Variants in SCHIP1 observed in about 807,000 individuals in gnomAD.
The protein encoded by SCHIP1 is schwannomin-interacting protein 1.
In SCHIP1, 8 loss-of-function variants were observed where a neutral mutation model predicts 29.7. The observed-to-expected ratio is 0.27, with a 90% CI of 0.16 to 0.49. The LOEUF (loss-of-function observed/expected upper bound fraction) is 0.49, where lower values mean the gene tolerates loss of function less well. Among genes scored for constraint, SCHIP1 ranks in the 20% least tolerant of loss-of-function variants. The pLI is 0.99. For synonymous variants in SCHIP1, 76 were observed against 94.9 expected, an observed-to-expected ratio of 0.80 and a Z score of 1.16; for missense variants, 193 against 294.6, an observed-to-expected ratio of 0.66 and a Z score of 2.52.
chr3:159,606,457 T>C, the SCHIP1 span, among the ~76,000 whole-genome samples: 1 of 152,214 alleles, frequency 6.6e-6, no homozygotes, highest in Non-Finnish European at 1.5e-5. Context: ...TTGGAAATCA[T>C]GATCTTACTG....
chr3:159,414,026 T>C, the SCHIP1 span, among the ~76,000 whole-genome samples: 1 of 152,224 alleles, frequency 6.6e-6, no homozygotes, highest in African/African-American at 2.4e-5. Flanking sequence ...AAGAGCAATC[T>C]TGGTCAGATA....
At chr3:159,390,561 T>TA in the SCHIP1 span, among the ~76,000 whole-genome samples, 1 of 152,068 alleles carries the variant, frequency 6.6e-6, no homozygotes, top group African/African-American at 2.4e-5. Context: ...TGAACTTATT[T>TA]AAAAAAACAA....
the SCHIP1 span, among the ~76,000 whole-genome samples, chr3:159,693,387 T>A: frequency 3.3e-5 from 5 of 152,106 alleles, no homozygotes; most frequent in South Asian, 2.1e-4. Flanking sequence ...ATCTGCCAAC[T>A]TTATATTTGG....
the SCHIP1 span, among the ~76,000 whole-genome samples, chr3:159,525,699 T>C: frequency 6.6e-6 from 1 of 152,188 alleles, no homozygotes; most frequent in South Asian, 2.1e-4. Context: ...TTCCTTTGAT[T>C]TAAAATATTC....
At chr3:159,799,570 A>G in the SCHIP1 span, among the ~76,000 whole-genome samples, 2 of 152,264 alleles carry the variant, frequency 1.3e-5, no homozygotes, top group Admixed American at 6.5e-5. Context: ...AGACAATCCA[A>G]CAGGTTTAAG....
chr3:159,370,301 C>CT, the SCHIP1 span, among the ~76,000 whole-genome samples: 2 of 152,194 alleles, frequency 1.3e-5, no homozygotes, highest in South Asian at 4.1e-4. Context: ...ACACTCCCTC[C>CT]TTTTCTCCCC....
the SCHIP1 span, among the ~76,000 whole-genome samples, chr3:159,421,164 T>G: frequency 1.3e-5 from 2 of 152,250 alleles, no homozygotes; most frequent in African/African-American, 4.8e-5. Flanking sequence ...TTGTTGGTTT[T>G]GTTACACAGA....
chr3:159,620,625 C>T, the SCHIP1 span, among the ~76,000 whole-genome samples: 10 of 152,212 alleles, frequency 6.6e-5, no homozygotes, highest in Admixed American at 6.5e-4. Context: ...CTTTGCAGAA[C>T]ATTGTAAGAA....
the SCHIP1 span, among the ~76,000 whole-genome samples, chr3:159,714,530 C>A: frequency 6.6e-6 from 1 of 152,260 alleles, no homozygotes; most frequent in Non-Finnish European, 1.5e-5. Context: ...CCTGGAAAAT[C>A]AGGTCACTCC....
At chr3:159,379,539 T>G in the SCHIP1 span, among the ~76,000 whole-genome samples, 2 of 152,112 alleles carry the variant, frequency 1.3e-5, no homozygotes, top group African/African-American at 4.8e-5. Context: ...TAGTTTTAAT[T>G]CCCCCAACAG....
chr3:159,462,387 G>A, the SCHIP1 span, among the ~76,000 whole-genome samples: 1 of 152,034 alleles, frequency 6.6e-6, no homozygotes, highest in Admixed American at 6.6e-5. Flanking sequence ...CCTCCTCACT[G>A]ACTGTGACCC....
At chr3:159,620,665 G>A in the SCHIP1 span, among the ~76,000 whole-genome samples, 4 of 152,192 alleles carry the variant, frequency 2.6e-5, no homozygotes, top group Non-Finnish European at 4.4e-5. Flanking sequence ...CAGATGCTGT[G>A]GACTGGGTCC....
the SCHIP1 span, among the ~76,000 whole-genome samples, chr3:159,571,611 G>A: frequency 1.3e-5 from 2 of 152,152 alleles, no homozygotes; most frequent in Admixed American, 6.5e-5. Context: ...TCTCTGCCAG[G>A]CTTTGGTATC....
At chr3:159,393,268 G>A in the SCHIP1 span, among the ~76,000 whole-genome samples, 1 of 152,270 alleles carries the variant, frequency 6.6e-6, no homozygotes, top group African/African-American at 2.4e-5. Context: ...TAGGTTGCCT[G>A]TTCACTCTGA....
the SCHIP1 span, among the ~76,000 whole-genome samples, chr3:159,497,446 A>G: frequency 6.6e-6 from 1 of 151,898 alleles, no homozygotes; most frequent in African/African-American, 2.4e-5. Flanking sequence ...CTTTATATGG[A>G]CCATCTCACT....
At chr3:159,281,019 G>A in the SCHIP1 span, among the ~76,000 whole-genome samples, 1 of 152,160 alleles carries the variant, frequency 6.6e-6, no homozygotes, top group South Asian at 2.1e-4. Flanking sequence ...GACATGTGGG[G>A]CAATCGTGGC....
the SCHIP1 span, among the ~76,000 whole-genome samples, chr3:159,676,778 GTCATCCAACCACCATCA>G: frequency 6.6e-6 from 1 of 152,110 alleles, no homozygotes; most frequent in Non-Finnish European, 1.5e-5. Flanking sequence ...AAGCTCCGTG[GTCATCCAACCACCATCA>G]TCATCCAACC....
At chr3:159,657,386 ATAGTAT>A in the SCHIP1 span, among the ~76,000 whole-genome samples, 2 of 152,174 alleles carry the variant, frequency 1.3e-5, no homozygotes, top group African/African-American at 4.8e-5. Flanking sequence ...TAGCCCACAG[ATAGTAT>A]TAGATGGTGA....
At chr3:159,627,354 A>G in the SCHIP1 span, among the ~76,000 whole-genome samples, 1 of 152,176 alleles carries the variant, frequency 6.6e-6, no homozygotes, top group Non-Finnish European at 1.5e-5. Context: ...TATTTTATCC[A>G]CAGGAATGGC....
Sources: allele counts gnomAD v4.1 joint callset (sites outside exome capture counted in the v4.1 genomes callset), GRCh38; gene constraint gnomAD v4.1.1; transcripts MANE v1.5; gene names NCBI Gene and HGNC (gene_info 2026-07-23, HGNC 2026-07-21).